The following DEAF1 variants were observed in gnomAD, a reference collection of about 807,000 sequenced individuals.
The protein encoded by DEAF1 is DEAF1 transcription factor, also known as deformed epidermal autoregulatory factor 1 homolog.
DEAF1 carries 53 observed loss-of-function variants against 58.9 expected under a neutral mutation model. That is an observed-to-expected ratio of 0.90 (90% CI 0.72 to 1.13). DEAF1 has a LOEUF of 1.13. Ranked by LOEUF, DEAF1 falls within the 50% of genes most tolerant of loss-of-function variation. The probability of loss-of-function intolerance (pLI) is 0.00; values close to 1 mark genes in which losing one functional copy is unlikely to be tolerated. For missense variants in DEAF1, 685 were observed against 791.4 expected (o/e 0.87, Z 1.61); for synonymous variants, 385 against 340.4 (o/e 1.13, Z -1.44).
chr11:702,411 C>G (rs1305273218), intron 1 of DEAF1, among the ~76,000 whole-genome samples: 1 of 152,232 alleles, frequency 6.6e-6, no homozygotes, highest in Non-Finnish European at 1.5e-5. Context: ...CTGGGGGCTG[C>G]TAGGCCAACG....
upstream of DEAF1, chr11:695,916 C>G (rs1861122796): frequency 2.6e-6 from 3 of 1,149,148 alleles, no homozygotes; most frequent in Non-Finnish European, 2.2e-6. Context: ...TGGTGACAAT[C>G]CGGTTTCCGC....
At chr11:695,904 T>A, upstream of DEAF1, 1 of 1,190,298 alleles carries the variant, frequency 8.4e-7, no homozygotes, top group Non-Finnish European at 1.1e-6. Context: ...GGCGTTTCCC[T>A]GTGGTGACAA....
chr11:705,029 G>C, intron 1 of DEAF1: 1 of 239,174 alleles, frequency 4.2e-6, no homozygotes. Flanking sequence ...TGTAAACCAG[G>C]AAGCCAGGTC....
intron 6 of DEAF1, among the ~76,000 whole-genome samples, chr11:682,394 G>C (rs1201956069): frequency 1.3e-5 from 2 of 152,214 alleles, no homozygotes; most frequent in African/African-American, 4.8e-5. Flanking sequence ...TAAACCTGCT[G>C]ACCTACAGTT....
intron 5 of DEAF1, 50 bp downstream of exon 5, chr11:686,808 G>A (rs1351921803): frequency 6.2e-7 from 1 of 1,612,066 alleles, no homozygotes. Context: ...GCCTCAGAGG[G>A]CCCCACGTCT....
At chr11:657,220 A>T (rs1859101208) in intron 10 of DEAF1, among the ~76,000 whole-genome samples, 4 of 152,112 alleles carry the variant, frequency 2.6e-5, no homozygotes. Flanking sequence ...ACTTGCCAAT[A>T]AAAGGACCCG....
intron 6 of DEAF1, among the ~76,000 whole-genome samples, chr11:683,367 A>C (rs1860454383): frequency 6.6e-6 from 1 of 152,178 alleles, no homozygotes; most frequent in Non-Finnish European, 1.5e-5. Context: ...TGTGAAGTTT[A>C]GGTCATCCTT....
At chr11:660,632 C>T (rs1319482627) in intron 10 of DEAF1, among the ~76,000 whole-genome samples, 4 of 152,252 alleles carry the variant, frequency 2.6e-5, no homozygotes, top group Non-Finnish European at 4.4e-5. Flanking sequence ...ATCCCAAAGA[C>T]GCCAGCAACC....
At chr11:681,374 G>A (rs1013202766) in intron 6 of DEAF1, among the ~76,000 whole-genome samples, 1 of 145,212 alleles carries the variant, frequency 6.9e-6, no homozygotes, top group African/African-American at 2.7e-5. Context: ...TGGGATTACA[G>A]GCATGTGTCA....
chr11:681,193 T>C (rs1225404433), intron 6 of DEAF1, 104 bp from the exon 7 acceptor site: 3 of 1,491,650 alleles, frequency 2.0e-6, no homozygotes, highest in East Asian at 2.3e-5. Flanking sequence ...GTGAGTCACA[T>C]GGTGAGACCA....
At chr11:645,393 CACG>C (rs35383566) in intron 11 of DEAF1, among the ~76,000 whole-genome samples, 58,312 of 151,680 alleles carry the variant, frequency 0.38, 11,723 homozygotes, top group East Asian at 0.55. Flanking sequence ...CTCGGCTCAC[CACG>C]ACCTCTGCCT....
At chr11:674,265 T>C (rs897523252) in intron 10 of DEAF1, 18 of 470,426 alleles carry the variant, frequency 3.8e-5, no homozygotes, top group Non-Finnish European at 6.3e-5. Context: ...AAAAGGTGAG[T>C]ATTCACAACG....
At chr11:694,245 GGGCAGGGCCAGGTCAGGTGAGGCTA>G (rs1410877649) in intron 1 of DEAF1, among the ~76,000 whole-genome samples, 2 of 151,790 alleles carry the variant, frequency 1.3e-5, no homozygotes, top group African/African-American at 2.4e-5. Flanking sequence ...GGTGTGTGCA[GGGCAGGGCCAGGTCAGGTGAGGCTA>G]GGCAGGTCAC....
intron 2 of DEAF1, chr11:689,588 AC>A (rs1171034384): frequency 6.6e-6 from 1 of 151,724 alleles, no homozygotes; most frequent in East Asian, 1.9e-4. Flanking sequence ...GAGTGGAGGG[AC>A]CCCCAACACA....
intron 6 of DEAF1, among the ~76,000 whole-genome samples, chr11:682,134 G>A (rs763456301): frequency 2.6e-5 from 4 of 152,174 alleles, no homozygotes; most frequent in Non-Finnish European, 5.9e-5. Flanking sequence ...CCCTGGGTGG[G>A]GTGCAATCAC....
At position 691,573 on chromosome 11, in the gene DEAF1, G is replaced by A. The variant is rs752503742; in HGVS notation, c.315C>T (p.Asn105=). The A allele has an allele frequency of 8.1e-6, 13 of 1,613,580 alleles. No individual in the cohort carries two copies. The highest frequency in any genetic ancestry group is 1.7e-5 in the Admixed American group (1 of 59,992). ...AGACATTGTCTGCAGCAGCCCCCAC[G>A]TTGGCCACTGTCACTGTGGTCACCT... The part of the protein sequence containing the change: ...FAEVTTVTVA[N]VGAAADNVFT... The change falls in exon 2 of 12, where the codon AAC becomes AAT. Residue 105 remains asparagine (N), a synonymous_variant. Transcript: ENST00000382409.
upstream of DEAF1, chr11:699,896 A>G (rs1048436322): frequency 3.9e-6 from 2 of 513,052 alleles, no homozygotes; most frequent in Non-Finnish European, 7.0e-6. Context: ...CAGGGGCTGC[A>G]GTGCACAGAC....
intron 5 of DEAF1, 59 bp downstream of exon 5, chr11:686,799 C>T (rs1860612032): frequency 1.9e-6 from 3 of 1,610,786 alleles, no homozygotes; most frequent in East Asian, 4.5e-5. Context: ...GGCTGGGCCG[C>T]CTCAGAGGGC....
chr11:701,549 T>C (rs1274277736), intron 1 of DEAF1, among the ~76,000 whole-genome samples: 2 of 151,808 alleles, frequency 1.3e-5, no homozygotes, highest in East Asian at 3.9e-4. Flanking sequence ...TAACTGGGAC[T>C]ACAGGTGCCC....
Sources: gnomAD v4.1 joint callset for allele counts (sites outside exome capture counted in the v4.1 genomes callset) on GRCh38, gnomAD v4.1.1 for gene constraint, MANE v1.5 for transcripts, NCBI Gene and HGNC (gene_info 2026-07-23, HGNC 2026-07-21) for gene names.